SEMA7A: variants seen among roughly 807,000 people sequenced by gnomAD.
SEMA7A encodes the protein semaphorin-7A.
Under a neutral mutation model 67.5 loss-of-function variants are expected in SEMA7A, and 21 were observed. The ratio of observed to expected loss-of-function variants is 0.31; its 90% CI spans 0.22 to 0.45. The LOEUF (loss-of-function observed/expected upper bound fraction) is 0.45, where lower values mean the gene tolerates loss of function less well. SEMA7A is among the 20% of genes least tolerant of loss of function. The pLI is 1.00. For synonymous variants in SEMA7A, 364 were observed against 368.5 expected (o/e 0.99, Z 0.14); for missense variants, 774 against 908.6 (o/e 0.85, Z 1.90).
In SEMA7A at chr15:74,414,306, C is replaced by T. The variant is rs559676713; in HGVS notation, c.1294+241G>A. Among the ~76,000 whole-genome samples the T allele has an allele frequency of 2.0e-5, 3 of 152,240 alleles. No homozygotes were observed. The highest frequency in any genetic ancestry group is 4.8e-5 in the African/African-American group (2 of 41,540). On this transcript the variant is annotated intron_variant, in intron 10 of 13. Transcript: ENST00000261918. This position sits in a 1 kb window ranked among gnomAD's most constrained non-coding sequence, Gnocchi z 4.1. Reference sequence around the variant, plus strand: ...GCTTTGCTCAGACTCTCCAGATTTCCGCCTCCAAATCCCAGTGCTTGCTTT... The same window carrying T: ...GCTTTGCTCAGACTCTCCAGATTTCTGCCTCCAAATCCCAGTGCTTGCTTT...
At position 74,421,759 on chromosome 15, in the gene SEMA7A, G is replaced by C. The variant is rs1483727646; in HGVS notation, c.179-2807C>G. Reference sequence around the variant, plus strand: ...CTTTGTTCAGGTTGGCAGGAGCGGGGGCTGGGGGCTAAGGGGCAGGAGGGC... The same window carrying C: ...CTTTGTTCAGGTTGGCAGGAGCGGGCGCTGGGGGCTAAGGGGCAGGAGGGC... On this transcript the variant is annotated intron_variant, in intron 1 of 13. Coordinates refer to ENST00000261918, the MANE Select transcript of SEMA7A (RefSeq NM_003612.5). Among the ~76,000 whole-genome samples, 4 of 152,326 alleles carry C rather than the reference G, an allele frequency of 2.6e-5. No homozygotes were observed. In the East Asian group the frequency reaches 5.8e-4, roughly 22 times the overall value.
At position 74,411,565 on chromosome 15, in the gene SEMA7A, C is replaced by A; in HGVS notation, c.1568G>T (p.Ser523Ile). The A allele has an allele frequency of 6.4e-7, 1 of 1,573,034 alleles. No homozygotes were observed. Among genetic ancestry groups the A allele is most frequent in the Non-Finnish European group, 8.6e-7 (1 of 1,158,292 alleles). The change falls in exon 12 of 14, where the codon AGC (serine) becomes ATC (isoleucine). Residue 523 changes from serine (S) to isoleucine (I), a missense_variant. This residue lies in a region of SEMA7A where 427 missense variants were observed against 555.4 expected (regional missense o/e 0.77). Coordinates refer to ENST00000261918, the MANE Select transcript of SEMA7A (RefSeq NM_003612.5). The surrounding 1 kb of genome is among the most constrained non-coding windows in gnomAD (Gnocchi z 4.4). The part of the protein sequence containing the change: ...WDQGRCISIY[S>I]SERSVLQSIN... ...ATCCCGGCCAACGTACCGTTCGGAGCTGTAGATGGAGATGCAGCGGCCTTG... is the reference window on the plus strand; with the variant it reads ...ATCCCGGCCAACGTACCGTTCGGAGATGTAGATGGAGATGCAGCGGCCTTG...
intron 1 of SEMA7A, among the ~76,000 whole-genome samples, chr15:74,430,341 G>A (rs1031254114): frequency 2.0e-5 from 3 of 152,122 alleles, no homozygotes; most frequent in Non-Finnish European, 4.4e-5. Context: ...ACTCTGCCCA[G>A]CCCCTCCCAT....
rs1352584410 is a variant in SEMA7A at position 74,409,657 on chromosome 15, C to A, written c.*967G>T. 1 of 151,074 alleles carries A rather than the reference C, an allele frequency of 6.6e-6. No individual in the cohort carries two copies. Among genetic ancestry groups the A allele is most frequent in the Non-Finnish European group, 1.5e-5 (1 of 67,778 alleles). The allele number at this position is 151,074 out of a possible 1,614,324, so 9.4% of individuals were successfully genotyped here. ...CGCCAAGGGCAGAGTCCTGGAACCT[C>A]CCCCTGAGGACCCGGCTCGTCCTTC... On this transcript the variant is annotated 3_prime_UTR_variant, in exon 14 of 14. Coordinates refer to ENST00000261918, the MANE Select transcript of SEMA7A (RefSeq NM_003612.5).
chr15:74,415,982 C>G lies in SEMA7A; in HGVS notation c.805G>C (p.Asp269His). ...GACAGTGAACTTTCCCCACCCTGGTCCCCCTGGAAGGGTAGAGGGGAGAAG... is the reference window on the plus strand; with the variant it reads ...GACAGTGAACTTTCCCCACCCTGGTGCCCCTGGAAGGGTAGAGGGGAGAAG... ...VSRVAQLCRG[D>H]QGGESSLSVS... is the part of the protein sequence containing the mutation. The change falls in exon 8 of 14, where the codon GAC becomes CAC. Residue 269 changes from aspartate to histidine, a missense_variant. Physicochemically the swap from Asp to His is moderately conservative, Grantham distance 81. Coordinates refer to ENST00000261918, the MANE Select transcript of SEMA7A (RefSeq NM_003612.5). 1 of 1,613,884 alleles carries G rather than the reference C, an allele frequency of 6.2e-7. No homozygotes were observed.
chr15:74,425,717 G>C (rs184072606), intron 1 of SEMA7A, among the ~76,000 whole-genome samples: 1 of 152,306 alleles, frequency 6.6e-6, no homozygotes, highest in Admixed American at 6.5e-5. Context: ...ACTAGAAGCA[G>C]GGCTCAGTCA....
intron 1 of SEMA7A, among the ~76,000 whole-genome samples, chr15:74,421,852 G>A (rs796771218): frequency 6.6e-6 from 1 of 152,218 alleles, no homozygotes; most frequent in African/African-American, 2.4e-5. Flanking sequence ...GGCAGGGGCT[G>A]AGCAAGGCCA....
At chr15:74,422,865 G>A (rs1308775364) in intron 1 of SEMA7A, among the ~76,000 whole-genome samples, 2 of 152,224 alleles carry the variant, frequency 1.3e-5, no homozygotes, top group South Asian at 2.1e-4. Flanking sequence ...GTCACCGTCT[G>A]GCCCGCTGTC....
Position 74,414,376 on chromosome 15 carries a change from C to T in SEMA7A, c.1294+171G>A, listed in dbSNP as rs2060927090. Among the ~76,000 whole-genome samples, 1 of 152,202 alleles carries T rather than the reference C, an allele frequency of 6.6e-6. No homozygotes were observed. The highest frequency in any genetic ancestry group is 2.4e-5 in the African/African-American group (1 of 41,440). On this transcript the variant is annotated intron_variant, in intron 10 of 13. Transcript: ENST00000261918. The surrounding 1 kb of genome is among the most constrained non-coding windows in gnomAD (Gnocchi z 4.1). ...TCTTGCCCCTACCTCCTCCAGGAAG[C>T]TCTCCCTGCCTGACTCTTCCACACC...
chr15:74,416,800 C>T (rs773427152), intron 6 of SEMA7A, 86 bp from the exon 7 acceptor site: 104 of 1,443,688 alleles, frequency 7.2e-5, no homozygotes, highest in Non-Finnish European at 8.2e-5. Flanking sequence ...CTCCCTCCTT[C>T]GGGTCTGCAC....
chr15:74,410,651 T>C lies in SEMA7A; in HGVS notation c.1974A>G (p.Thr658=), dbSNP rs764296190. 2.5e-6 allele frequency: 4 copies of C among 1,600,318 alleles called. No homozygotes were observed. The highest frequency in any genetic ancestry group is 3.4e-6 in the Non-Finnish European group (4 of 1,171,140). The change falls in exon 14 of 14, where the codon ACA becomes ACG. Residue 658 remains threonine, a synonymous_variant. Transcript: ENST00000261918. The surrounding 1 kb of genome is among the most constrained non-coding windows in gnomAD (Gnocchi z 7.5). ...AGTGGACCAGCAAGCCAAGAGTGAG[T>C]GTGGGCAGCACCCCCAGCCAGAGGG... ...AASLWLGVLP[T]LTLGLLVH
chr15:74,411,665 G>C lies in SEMA7A; in HGVS notation c.1468C>G (p.Leu490Val), dbSNP rs768380013. The C allele has an allele frequency of 3.7e-6, 6 of 1,613,542 alleles. No homozygotes were observed. Among genetic ancestry groups the C allele is most frequent in the Non-Finnish European group, 4.2e-6 (5 of 1,179,988 alleles). ...CCGCCATAGACCTCACACAGGTCCA[G>C]GGGCACCTGGCTCACCTCCCACTGG... ...SSQWEVSQVP[L>V]DLCEVYGGGC... The change falls in exon 12 of 14, where the codon CTG (leucine) becomes GTG (valine). Residue 490 changes from leucine (L) to valine (V), a missense_variant. Leu to Val is a conservative substitution (Grantham distance 32). Around this residue, in one of 2 missense-constraint regions of SEMA7A, gnomAD observed 427 missense variants for 555.4 expected, o/e 0.77. Coordinates refer to ENST00000261918, the MANE Select transcript of SEMA7A (RefSeq NM_003612.5). This position sits in a 1 kb window ranked among gnomAD's most constrained non-coding sequence, Gnocchi z 4.4.
At chr15:74,421,099 T>C (rs2060996774) in intron 1 of SEMA7A, among the ~76,000 whole-genome samples, 1 of 152,160 alleles carries the variant, frequency 6.6e-6, no homozygotes, top group Non-Finnish European at 1.5e-5. Flanking sequence ...GGTCTAGGAA[T>C]TGCAGGGCTG....
chr15:74,433,819 G>T lies in SEMA7A; in HGVS notation c.100C>A (p.Leu34Met). ...GCGGCGGCCGCCCAGAGCAGCAGCA[G>T]CAGCCGCAGCCGCAGCGGAAGCCCC... ...RLGLPLRLRL[L>M]LLLWAAAASA... Residue 34 changes from leucine to methionine, a missense_variant, in exon 1 of 14, where the codon CTG becomes ATG. By Grantham distance (15) the Leu-to-Met change is conservative (BLOSUM62 2). Coordinates refer to ENST00000261918, the MANE Select transcript of SEMA7A (RefSeq NM_003612.5). The T allele has an allele frequency of 7.3e-7, 1 of 1,363,504 alleles. No individual in the cohort carries two copies. The highest frequency in any genetic ancestry group is 9.4e-7 in the Non-Finnish European group (1 of 1,062,846). The allele number at this position is 1,363,504 out of a possible 1,614,324, so 84.5% of individuals were successfully genotyped here. A position where few individuals can be genotyped will look rare whatever the true frequency, so the allele number is the denominator to read the frequency against.
Position 74,433,757 on chromosome 15 carries a change from G to A in SEMA7A, c.162C>T (p.Ile54=). Residue 54 remains isoleucine, a synonymous_variant, in exon 1 of 14, where the codon ATC becomes ATT. Transcript: ENST00000261918. ...AQGHLRSGPR[I]FAVWKGHVGQ... ...GCCGCCTACCTTTCCAGACGGCGAA[G>A]ATGCGGGGTCCGCTCCTTAGGTGGC... The A allele has an allele frequency of 6.9e-7, 1 of 1,446,050 alleles. No individual in the cohort carries two copies. The highest frequency in any genetic ancestry group is 9.0e-7 in the Non-Finnish European group (1 of 1,105,262). The allele number at this position is 1,446,050 out of a possible 1,614,324, so 89.6% of individuals were successfully genotyped here.
intron 1 of SEMA7A, chr15:74,427,399 C>T (rs530090043): frequency 2.0e-6 from 2 of 985,388 alleles, no homozygotes; most frequent in Admixed American, 6.1e-5. Context: ...CAGAAGTCAT[C>T]ACAGTGACCT....
Position 74,417,395 on chromosome 15 carries a change from G to A in SEMA7A, c.601C>T (p.Pro201Ser). 6.2e-7 allele frequency: 1 copy of A among 1,614,064 alleles called. No individual in the cohort carries two copies. Among genetic ancestry groups the A allele is most frequent in the South Asian group, 1.1e-5 (1 of 91,090 alleles). The change falls in exon 6 of 14, where the codon CCT (proline) becomes TCT (serine). Residue 201 changes from proline (P) to serine (S), a missense_variant. Coordinates refer to ENST00000261918, the MANE Select transcript of SEMA7A (RefSeq NM_003612.5). ...IRKQEYNGKI[P>S]RFRRIRGESE... ...TCGCCCCGGATGCGGCGGAACCGAG[G>A]GATCTTCCCATTGTATTCCTGCTTC...
intron 1 of SEMA7A, among the ~76,000 whole-genome samples, chr15:74,421,476 C>G (rs1336891842): frequency 6.6e-6 from 1 of 152,144 alleles, no homozygotes; most frequent in Non-Finnish European, 1.5e-5. Context: ...GACTGTTCGT[C>G]CCATTTTGCA....
Position 74,410,801 on chromosome 15 carries a change from G to A in SEMA7A, c.1824C>T (p.Tyr608=), listed in dbSNP as rs752380157. The change falls in exon 14 of 14, where the codon TAC becomes TAT. Residue 608 remains tyrosine (Y), a synonymous_variant. Coordinates refer to ENST00000261918, the MANE Select transcript of SEMA7A (RefSeq NM_003612.5). This position sits in a 1 kb window ranked among gnomAD's most constrained non-coding sequence, Gnocchi z 7.5. ...LFIENLTAQQ[Y]GHYFCEAQEG... ...CCTGGGCCTCGCAGAAGTAGTGGCC[G>A]TACTGCTGCGCCGTGAGGTTCTCGA... is the stretch of plus-strand genomic sequence containing the variant. The A allele has an allele frequency of 4.3e-6, 7 of 1,614,196 alleles. No homozygotes were observed. Among genetic ancestry groups the A allele is most frequent in the East Asian group, 2.2e-5 (1 of 44,882 alleles).
Sources: gnomAD v4.1 joint callset for allele counts (sites outside exome capture counted in the v4.1 genomes callset) on GRCh38, gnomAD v4.1.1 for gene constraint, gnomAD v4.1.1 regional missense constraint, Gnocchi (gnomAD v3.1) non-coding constraint, MANE v1.5 for transcripts, NCBI Gene and HGNC (gene_info 2026-07-23, HGNC 2026-07-21) for gene names.